The following PPM1L variants were observed in gnomAD, a reference collection of about 807,000 sequenced individuals.
PPM1L encodes the protein protein phosphatase, Mg2+/Mn2+ dependent 1L.
Under a neutral mutation model 31.4 loss-of-function variants are expected in PPM1L, and 13 were observed. That is an observed-to-expected ratio of 0.41 (90% CI 0.27 to 0.66). PPM1L has a LOEUF of 0.66. Among genes scored for constraint, PPM1L ranks in the 30% least tolerant of loss-of-function variants. The pLI is 0.29. For synonymous variants in PPM1L, 184 were observed against 175.4 expected (o/e 1.05, Z -0.39); for missense variants, 326 against 453.7 (o/e 0.72, Z 2.56).
At chr3:160,774,755 C>T (rs986885631) in intron 1 of PPM1L, among the ~76,000 whole-genome samples, 6 of 152,178 alleles carry the variant, frequency 3.9e-5, no homozygotes, top group African/African-American at 1.4e-4. Flanking sequence ...CCTCGATTTC[C>T]AGCTCTTCCA....
At chr3:160,785,041 C>T (rs1332458330) in intron 1 of PPM1L, among the ~76,000 whole-genome samples, 1 of 152,270 alleles carries the variant, frequency 6.6e-6, no homozygotes, top group South Asian at 2.1e-4. Flanking sequence ...AATTGTTGCT[C>T]ATATTTGAAG....
intron 1 of PPM1L, among the ~76,000 whole-genome samples, chr3:160,887,676 G>T (rs564156806): frequency 4.6e-5 from 7 of 151,344 alleles, no homozygotes; most frequent in African/African-American, 1.5e-4. Flanking sequence ...CACCTCCCAG[G>T]TTCACCCCAT....
chr3:160,844,488 A>G (rs1271751431), intron 1 of PPM1L, among the ~76,000 whole-genome samples: 2 of 152,160 alleles, frequency 1.3e-5, no homozygotes, highest in Non-Finnish European at 2.9e-5. Context: ...ATTTAGCACA[A>G]TGCTATATAT....
intron 1 of PPM1L, among the ~76,000 whole-genome samples, chr3:160,862,662 G>A (rs3222519): frequency 1.8e-4 from 23 of 127,210 alleles, no homozygotes; most frequent in South Asian, 7.8e-4. Context: ...CTAGGCACAC[G>A]CACACACACA....
chr3:160,762,195 C>T (rs369301475), intron 1 of PPM1L, among the ~76,000 whole-genome samples: 3 of 152,172 alleles, frequency 2.0e-5, no homozygotes, highest in African/African-American at 4.8e-5. Flanking sequence ...TCGGCTTTCA[C>T]ATTATGATGT....
intron 1 of PPM1L, among the ~76,000 whole-genome samples, chr3:160,763,795 G>A (rs931817911): frequency 1.3e-5 from 2 of 152,160 alleles, no homozygotes; most frequent in African/African-American, 2.4e-5. Flanking sequence ...TTGAGACAGA[G>A]CAGTGAAGAT....
At chr3:160,996,555 A>G (rs1392995745) in intron 2 of PPM1L, among the ~76,000 whole-genome samples, 1 of 152,188 alleles carries the variant, frequency 6.6e-6, no homozygotes, top group Non-Finnish European at 1.5e-5. Flanking sequence ...AGCAAACATC[A>G]TATGTTGTCA....
At chr3:160,851,946 T>A (rs189923157) in intron 1 of PPM1L, among the ~76,000 whole-genome samples, 25 of 152,342 alleles carry the variant, frequency 1.6e-4, no homozygotes, top group Admixed American at 2.6e-4. Flanking sequence ...TCCTGTCGAT[T>A]TTTTCCCCTC....
At chr3:160,924,630 A>G (rs1714525271) in intron 1 of PPM1L, among the ~76,000 whole-genome samples, 1 of 152,204 alleles carries the variant, frequency 6.6e-6, no homozygotes. Context: ...TCCTTAGTAT[A>G]GTTGGTACCT....
intron 2 of PPM1L, among the ~76,000 whole-genome samples, chr3:161,047,137 A>G (rs1013564992): frequency 1.3e-5 from 2 of 152,242 alleles, no homozygotes; most frequent in Non-Finnish European, 2.9e-5. Context: ...CTAAGAAAAG[A>G]GGAAGTCAAA....
intron 1 of PPM1L, among the ~76,000 whole-genome samples, chr3:160,950,184 G>T (rs1341835036): frequency 6.6e-6 from 1 of 151,958 alleles, no homozygotes; most frequent in Admixed American, 6.6e-5. Context: ...GTGCCTTATT[G>T]CTTGTCAATC....
At chr3:160,858,743 A>G (rs1398196079) in intron 1 of PPM1L, among the ~76,000 whole-genome samples, 2 of 152,140 alleles carry the variant, frequency 1.3e-5, no homozygotes, top group Non-Finnish European at 2.9e-5. Context: ...GGTGGTATTA[A>G]TTTACCTGTT....
chr3:160,989,333 C>T (rs1022826659), intron 2 of PPM1L, among the ~76,000 whole-genome samples: 8 of 152,014 alleles, frequency 5.3e-5, no homozygotes, highest in Non-Finnish European at 1.2e-4. Flanking sequence ...GTAACTCTAA[C>T]CCTTACAGAA....
intron 1 of PPM1L, among the ~76,000 whole-genome samples, chr3:160,799,828 T>C (rs1712372570): frequency 2.0e-5 from 3 of 152,210 alleles, no homozygotes; most frequent in Non-Finnish European, 4.4e-5. Context: ...TATTTTCTGA[T>C]ACTTCCCAAC....
chr3:160,856,123 G>A (rs898413339), intron 1 of PPM1L, among the ~76,000 whole-genome samples: 5 of 151,824 alleles, frequency 3.3e-5, no homozygotes, highest in Admixed American at 6.6e-5. Context: ...TTCCTCTGCC[G>A]GCTTTTATTC....
chr3:161,028,031 G>GT (rs1559929648), intron 2 of PPM1L, among the ~76,000 whole-genome samples: 2 of 152,198 alleles, frequency 1.3e-5, no homozygotes, highest in Non-Finnish European at 2.9e-5. Flanking sequence ...TGGCTGGCAA[G>GT]TGGTGACACT....
rs150964756 is a variant in PPM1L, at chr3:160,957,918, G to A, written c.400-3818G>A. On this transcript the variant is annotated intron_variant, in intron 1 of 3. Coordinates refer to ENST00000498165, the MANE Select transcript of PPM1L (RefSeq NM_139245.4). ...TTGCATTTCTCTAATGATCAGTGAT[G>A]TTGAGCTTTTTTTCATGATTGTTGG... Among the ~76,000 whole-genome samples, 452 of 152,244 alleles carry A rather than the reference G, an allele frequency of 3.0e-3. 1 individual carries two copies. The highest frequency in any genetic ancestry group is 8.3e-3 in the South Asian group (40 of 4,826).
chr3:160,949,021 A>G (rs924762845), intron 1 of PPM1L, among the ~76,000 whole-genome samples: 1 of 152,218 alleles, frequency 6.6e-6, no homozygotes, highest in East Asian at 1.9e-4. Context: ...TACCCTAAAA[A>G]AAGTTGATTT....
intron 1 of PPM1L, among the ~76,000 whole-genome samples, chr3:160,812,457 G>A (rs796225756): frequency 3.3e-5 from 5 of 152,292 alleles, no homozygotes; most frequent in Middle Eastern, 3.4e-3. Context: ...GGCTGAGAAC[G>A]TCTAGGTACT....
Sources: gnomAD v4.1 joint callset for allele counts (sites outside exome capture counted in the v4.1 genomes callset) on GRCh38, gnomAD v4.1.1 for gene constraint, MANE v1.5 for transcripts, NCBI Gene and HGNC (gene_info 2026-07-23, HGNC 2026-07-21) for gene names.